AUTS2: variants seen among roughly 807,000 people sequenced by gnomAD.
The protein encoded by AUTS2 is activator of transcription and developmental regulator AUTS2, also known as autism susceptibility gene 2 protein.
AUTS2 carries 17 observed loss-of-function variants against 112.4 expected under a neutral mutation model. The ratio of observed to expected loss-of-function variants is 0.15; its 90% CI spans 0.10 to 0.23. The LOEUF is 0.23. Ranked by LOEUF, AUTS2 falls within the 10% of genes least tolerant of loss-of-function variation. The pLI, the probability that AUTS2 is intolerant of heterozygous loss-of-function variation, is 1.00. For synonymous variants in AUTS2, 751 were observed against 702.7 expected (o/e 1.07, Z -1.09); for missense variants, 1,510 against 1,701.6 (o/e 0.89, Z 1.98).
chr7:70,058,950 T>C (rs976406373), intron 2 of AUTS2, among the ~76,000 whole-genome samples: 2 of 152,188 alleles, frequency 1.3e-5, no homozygotes, highest in Non-Finnish European at 2.9e-5. Flanking sequence ...CTAGCATCCC[T>C]GACTATAAGC....
chr7:69,750,997 C>A (rs1448292795), intron 1 of AUTS2, among the ~76,000 whole-genome samples: 4 of 151,834 alleles, frequency 2.6e-5, no homozygotes, highest in Non-Finnish European at 5.9e-5. Context: ...TAACAGCAAG[C>A]AGTAGAGGCC....
At chr7:70,023,781 C>A (rs765309748) in intron 2 of AUTS2, among the ~76,000 whole-genome samples, 5 of 152,110 alleles carry the variant, frequency 3.3e-5, no homozygotes, top group Non-Finnish European at 5.9e-5. Flanking sequence ...ATCTGGGTGT[C>A]CATTCTGCTG....
chr7:70,250,200 C>T (rs762122179), intron 4 of AUTS2, among the ~76,000 whole-genome samples: 5 of 152,052 alleles, frequency 3.3e-5, no homozygotes, highest in Non-Finnish European at 7.4e-5. Flanking sequence ...GTAACACCAT[C>T]TCCTATGCAC....
chr7:69,606,722 A>T (rs1302515166), intron 1 of AUTS2, among the ~76,000 whole-genome samples: 1 of 152,248 alleles, frequency 6.6e-6, no homozygotes, highest in Non-Finnish European at 1.5e-5. Flanking sequence ...AACTTAGATC[A>T]TTGAAGTTTA....
intron 4 of AUTS2, among the ~76,000 whole-genome samples, chr7:70,266,411 G>C (rs1054488031): frequency 3.9e-5 from 6 of 152,096 alleles, no homozygotes; most frequent in African/African-American, 1.4e-4. Flanking sequence ...TTCCTTTGGG[G>C]GTGATGAAAT....
intron 5 of AUTS2, among the ~76,000 whole-genome samples, chr7:70,558,209 G>A (rs183379415): frequency 2.0e-5 from 3 of 152,234 alleles, no homozygotes; most frequent in Admixed American, 2.0e-4. Flanking sequence ...CCAGGCACTT[G>A]GCTCTCTGGT....
At position 69,876,352 on chromosome 7, in the gene AUTS2, ATATATATAT is replaced by A. The variant is rs1793766364; in HGVS notation, c.310-22933_310-22925del. 1.5e-3 allele frequency among the ~76,000 whole-genome samples: 80 copies of A among 53,978 alleles called. 1 individual carries two copies. The highest frequency in any genetic ancestry group is 2.5e-3 in the Non-Finnish European group (73 of 28,726). The allele number at this position is 53,978 out of a possible 152,430, so 35.4% of individuals were successfully genotyped here. A position where few individuals can be genotyped will look rare whatever the true frequency, so the allele number is the denominator to read the frequency against. On this transcript the variant is annotated intron_variant, in intron 1 of 18. Transcript: ENST00000342771. ...AAAAAAAAAAAAAAAAAAAAAAAAT[ATATATATAT>A]ATATATATATATATATATATATGTA... is the stretch of plus-strand genomic sequence containing the variant.
chr7:69,928,036 A>G (rs1291754608), intron 2 of AUTS2, among the ~76,000 whole-genome samples: 1 of 152,164 alleles, frequency 6.6e-6, no homozygotes, highest in Non-Finnish European at 1.5e-5. Flanking sequence ...TCCAGGAAGA[A>G]TGGGTTATGT....
At chr7:70,282,822 T>TAAAATATGGAGAATTGCTCCCTCTTC (rs1788283609) in intron 4 of AUTS2, among the ~76,000 whole-genome samples, 2 of 152,256 alleles carry the variant, frequency 1.3e-5, no homozygotes, top group South Asian at 4.2e-4. Flanking sequence ...CTGAGCAAGA[T>TAAAATATGGAGAATTGCTCCCTCTTC]AAAATATGGA....
chr7:70,337,732 G>A (rs1412367118), intron 4 of AUTS2, among the ~76,000 whole-genome samples: 1 of 152,180 alleles, frequency 6.6e-6, no homozygotes, highest in Non-Finnish European at 1.5e-5. Flanking sequence ...AGCCCATGTG[G>A]TATGTATTTC....
At chr7:70,723,565 G>A (rs919659342) in intron 6 of AUTS2, among the ~76,000 whole-genome samples, 1 of 151,874 alleles carries the variant, frequency 6.6e-6, no homozygotes, top group Admixed American at 6.6e-5. Context: ...AGCAGGAAGC[G>A]CCCGCTGTAC....
intron 5 of AUTS2, among the ~76,000 whole-genome samples, chr7:70,581,756 T>G (rs1802458642): frequency 1.3e-5 from 2 of 152,230 alleles, no homozygotes; most frequent in Admixed American, 1.3e-4. Flanking sequence ...CTTCCCTGAC[T>G]ATAAAAGAGA....
At chr7:70,183,652 A>G (rs1809443842) in intron 4 of AUTS2, among the ~76,000 whole-genome samples, 1 of 152,112 alleles carries the variant, frequency 6.6e-6, no homozygotes, top group Non-Finnish European at 1.5e-5. Flanking sequence ...CCTTCTGCCC[A>G]TCACCCTTTG....
At chr7:70,408,029 G>T (rs970458338) in intron 4 of AUTS2, among the ~76,000 whole-genome samples, 18 of 150,254 alleles carry the variant, frequency 1.2e-4, no homozygotes, top group Non-Finnish European at 2.5e-4. Flanking sequence ...ACTCCAGCCT[G>T]GGCGACAGAG....
intron 1 of AUTS2, among the ~76,000 whole-genome samples, chr7:69,804,893 G>A (rs1254996878): frequency 6.6e-6 from 1 of 152,206 alleles, no homozygotes; most frequent in African/African-American, 2.4e-5. Flanking sequence ...CTTTGAGGAG[G>A]AAGCCAGCAA....
intron 1 of AUTS2, among the ~76,000 whole-genome samples, chr7:69,607,160 C>G (rs1271458184): frequency 1.3e-5 from 2 of 152,100 alleles, no homozygotes; most frequent in Non-Finnish European, 2.9e-5. Context: ...GTGTCTTAGT[C>G]CTGTTCAGGT....
intron 5 of AUTS2, among the ~76,000 whole-genome samples, chr7:70,615,583 G>A (rs1008535728): frequency 6.6e-6 from 1 of 151,640 alleles, no homozygotes; most frequent in African/African-American, 2.4e-5. Context: ...TGTTGTTGTT[G>A]TTGTTGTTGT....
chr7:70,449,535 C>G (rs996395210), intron 5 of AUTS2, among the ~76,000 whole-genome samples: 17 of 152,128 alleles, frequency 1.1e-4, no homozygotes, highest in African/African-American at 3.9e-4. Context: ...GGAGTTGGGC[C>G]TGCAGCAGTG....
intron 3 of AUTS2, among the ~76,000 whole-genome samples, chr7:70,122,810 G>T (rs1805753250): frequency 6.6e-6 from 1 of 150,394 alleles, no homozygotes; most frequent in Admixed American, 6.6e-5. Flanking sequence ...CAGGTCTGAG[G>T]TTGCAGAGTC....
Sources: allele counts gnomAD v4.1 joint callset (sites outside exome capture counted in the v4.1 genomes callset), GRCh38; gene constraint gnomAD v4.1.1; transcripts MANE v1.5; gene names NCBI Gene and HGNC (gene_info 2026-07-23, HGNC 2026-07-21).